The following SPATA9 variants were observed in gnomAD, a reference collection of about 807,000 sequenced individuals.
SPATA9 encodes spermatogenesis-associated protein 9.
A neutral mutation model predicts 25.5 loss-of-function variants in SPATA9; 27 were observed. That is an observed-to-expected ratio of 1.06 (90% confidence interval 0.78 to 1.46). The LOEUF is 1.46. SPATA9 is among the 40% of genes most tolerant of loss of function. The pLI is 0.00. For missense variants in SPATA9, 282 were observed against 297.5 expected (o/e 0.95, Z 0.38); for synonymous variants, 102 against 105.7 (o/e 0.97, Z 0.21).
the SPATA9 span, among the ~76,000 whole-genome samples, chr5:95,705,140 G>T: frequency 1.3e-5 from 2 of 151,394 alleles, no homozygotes; most frequent in African/African-American, 4.9e-5. Context: ...TTTATTTTTC[G>T]TATTTTTTGT....
At chr5:95,703,611 G>A (rs986503239), upstream of SPATA9, among the ~76,000 whole-genome samples, 4 of 151,648 alleles carry the variant, frequency 2.6e-5, no homozygotes, top group African/African-American at 9.7e-5. Context: ...TCCAGCCTGG[G>A]CAATCAGAGT....
At chr5:95,727,905 A>AG in the SPATA9 span, among the ~76,000 whole-genome samples, 4 of 152,218 alleles carry the variant, frequency 2.6e-5, no homozygotes, top group African/African-American at 9.6e-5. Flanking sequence ...GCATTCTGTG[A>AG]GGAGGCTCTG....
chr5:95,668,830 A>T (rs545537691), intron 3 of SPATA9, among the ~76,000 whole-genome samples: 1 of 152,192 alleles, frequency 6.6e-6, no homozygotes, highest in Non-Finnish European at 1.5e-5. Flanking sequence ...CACACAAAAA[A>T]CCCAACAGTG....
At chr5:95,689,988 G>T (rs1487327017) in intron 1 of SPATA9, among the ~76,000 whole-genome samples, 2 of 152,114 alleles carry the variant, frequency 1.3e-5, no homozygotes, top group Non-Finnish European at 2.9e-5. Context: ...TAAGCAACAA[G>T]AATACATAGA....
Position 95,658,477 on chromosome 5 carries a change from G to C in SPATA9, c.*146C>G. ...TATTTACTCTATCATGTAAATACTAGAAAATGACATTTTAATAGTAGCCCC... is the reference window on the plus strand; with the variant it reads ...TATTTACTCTATCATGTAAATACTACAAAATGACATTTTAATAGTAGCCCC... On this transcript the variant is annotated 3_prime_UTR_variant, in exon 5 of 5. Coordinates refer to ENST00000274432, the MANE Select transcript of SPATA9 (RefSeq NM_031952.4). 1.6e-6 allele frequency: 1 copy of C among 623,694 alleles called. No homozygotes were observed. Among genetic ancestry groups the C allele is most frequent in the Non-Finnish European group, 2.2e-6 (1 of 453,634 alleles). The allele number at this position is 623,694 out of a possible 1,614,324, so 38.6% of individuals were successfully genotyped here.
chr5:95,685,877 C>T (rs1753731534), upstream of SPATA9, among the ~76,000 whole-genome samples: 1 of 152,220 alleles, frequency 6.6e-6, no homozygotes, highest in African/African-American at 2.4e-5. Flanking sequence ...CACTCTCTCA[C>T]CCAAGCTGAA....
the SPATA9 span, among the ~76,000 whole-genome samples, chr5:95,715,322 CAA>C: frequency 2.1e-4 from 14 of 67,270 alleles, no homozygotes; most frequent in African/African-American, 3.6e-4. Context: ...GATTCCATCT[CAA>C]AAAAAAAAAA....
intron 3 of SPATA9, among the ~76,000 whole-genome samples, chr5:95,665,216 A>G (rs890835837): frequency 1.3e-5 from 2 of 152,216 alleles, no homozygotes; most frequent in Non-Finnish European, 2.9e-5. Flanking sequence ...TGAGAACATT[A>G]AAAGATCCTC....
chr5:95,710,497 C>A, the SPATA9 span, among the ~76,000 whole-genome samples: 1 of 152,170 alleles, frequency 6.6e-6, no homozygotes, highest in Admixed American at 6.5e-5. Context: ...TGCTACTGCT[C>A]GCAGGCAACT....
chr5:95,681,184 C>T (rs181403804), intron 2 of SPATA9, among the ~76,000 whole-genome samples: 3 of 152,290 alleles, frequency 2.0e-5, no homozygotes, highest in African/African-American at 4.8e-5. Context: ...ATCTGTGTTA[C>T]CTATAAGGGA....
In SPATA9 at chr5:95,690,335, C is replaced by T. The variant is rs535258298; in HGVS notation, n.124+8253G>A. Among the ~76,000 whole-genome samples the T allele has an allele frequency of 2.6e-5, 4 of 152,260 alleles. No individual in the cohort carries two copies. The South Asian group carries it at 8.3e-4, about 32-fold the overall frequency. ...TCATGGCCAACCCAGTAGAAAAGAG[C>T]ACCCTGGTATCTAAATTCTGGGCTT... On this transcript the variant is annotated intron_variant and non_coding_transcript_variant, in intron 1 of 2. Transcript: ENST00000379990.
chr5:95,664,051 G>A lies in SPATA9; in HGVS notation c.379-3C>T, dbSNP rs1263491943. On this transcript the variant is annotated splice_polypyrimidine_tract_variant and splice_region_variant and intron_variant, in intron 3 of 4. Coordinates refer to ENST00000274432, the MANE Select transcript of SPATA9 (RefSeq NM_031952.4). ...TCAAACAAAGAACCCTTTCTGACCTGCAAAAACAGAAAAGATTTTCTTAAT... is the reference window on the plus strand; with the variant it reads ...TCAAACAAAGAACCCTTTCTGACCTACAAAAACAGAAAAGATTTTCTTAAT... 2 of 1,524,808 alleles carry A rather than the reference G, an allele frequency of 1.3e-6. No homozygotes were observed. Among genetic ancestry groups the A allele is most frequent in the South Asian group, 2.6e-5 (2 of 76,830 alleles). 94.5% of individuals were successfully genotyped at this position (1,524,808 alleles called of 1,614,324 possible).
intron 4 of SPATA9, among the ~76,000 whole-genome samples, chr5:95,662,551 C>T (rs1168923336): frequency 6.6e-6 from 1 of 152,144 alleles, no homozygotes; most frequent in South Asian, 2.1e-4. Context: ...AGGCACACAC[C>T]ACCATGCCTG....
intron 2 of SPATA9, among the ~76,000 whole-genome samples, chr5:95,682,174 A>G (rs968308343): frequency 4.6e-5 from 7 of 152,224 alleles, no homozygotes; most frequent in Non-Finnish European, 1.0e-4. Context: ...GTTACAATTT[A>G]TCTCAAGGTT....
chr5:95,683,016 A>G, upstream of SPATA9: 2 of 1,281,030 alleles, frequency 1.6e-6, no homozygotes, highest in Non-Finnish European at 2.0e-6. Context: ...TTACTGTACA[A>G]TAGGCTTCCG....
intron 3 of SPATA9, among the ~76,000 whole-genome samples, chr5:95,673,801 G>A (rs1351372595): frequency 6.7e-6 from 1 of 150,098 alleles, no homozygotes; most frequent in Non-Finnish European, 1.5e-5. Context: ...CTGAAGTGCA[G>A]TGGTGCAATC....
At chr5:95,707,579 G>A in the SPATA9 span, among the ~76,000 whole-genome samples, 1 of 152,120 alleles carries the variant, frequency 6.6e-6, no homozygotes. Context: ...CCAGGTGCAG[G>A]GGCTTTAAGA....
intron 1 of SPATA9, among the ~76,000 whole-genome samples, chr5:95,689,802 G>T (rs1165857217): frequency 6.6e-6 from 1 of 151,884 alleles, no homozygotes; most frequent in East Asian, 1.9e-4. Flanking sequence ...ACACAATGAG[G>T]TACCAGATAA....
chr5:95,672,850 C>T (rs1397755446), intron 3 of SPATA9, among the ~76,000 whole-genome samples: 1 of 152,020 alleles, frequency 6.6e-6, no homozygotes, highest in Non-Finnish European at 1.5e-5. Context: ...TTTTTTCTTG[C>T]CACTGAATTT....
Sources: gnomAD v4.1 joint callset for allele counts (sites outside exome capture counted in the v4.1 genomes callset) on GRCh38, gnomAD v4.1.1 for gene constraint, MANE v1.5 for transcripts, NCBI Gene and HGNC (gene_info 2026-07-23, HGNC 2026-07-21) for gene names.